Variants in BICRAL observed in about 807,000 individuals in gnomAD.
The protein encoded by BICRAL is BICRA like chromatin remodeling complex associated protein.
Under a neutral mutation model 91.8 loss-of-function variants are expected in BICRAL, and 8 were observed. The ratio of observed to expected loss-of-function variants is 0.09; its 90% CI spans 0.05 to 0.16. The LOEUF (loss-of-function observed/expected upper bound fraction) is 0.16. BICRAL is among the 10% of genes least tolerant of loss of function. The pLI is 1.00. For synonymous variants in BICRAL, 445 were observed against 491.1 expected (o/e 0.91, Z 1.24); for missense variants, 1,038 against 1,310.9 (o/e 0.79, Z 3.21).
chr6:42,775,958 C>T (rs73428443), intron 1 of BICRAL, among the ~76,000 whole-genome samples: 2,030 of 152,288 alleles, frequency 0.013, 42 homozygotes, highest in African/African-American at 0.046. Flanking sequence ...ACAACAACCA[C>T]AACAATAATG....
rs536085982 is a variant in BICRAL, at chr6:42,762,365, T to A, written c.-261+15342T>A. Among the ~76,000 whole-genome samples the A allele has an allele frequency of 2.0e-5, 3 of 152,320 alleles. No homozygotes were observed. The South Asian group carries it at 6.2e-4, about 32-fold the overall frequency. ...GTAATGAAAGGAAAAGATAAAGATA[T>A]ATAGTGATTTCAATGACAGTTTTAA... On this transcript the variant is annotated intron_variant, in intron 1 of 14. Transcript: ENST00000614467.
At chr6:42,842,370 G>T (rs978521066) in intron 6 of BICRAL, among the ~76,000 whole-genome samples, 18 of 152,136 alleles carry the variant, frequency 1.2e-4, no homozygotes, top group African/African-American at 4.1e-4. Flanking sequence ...CCTAAAGAAG[G>T]CAGATTTCCA....
At chr6:42,788,018 T>A (rs1184817251) in intron 1 of BICRAL, among the ~76,000 whole-genome samples, 1 of 151,612 alleles carries the variant, frequency 6.6e-6, no homozygotes, top group African/African-American at 2.4e-5. Flanking sequence ...CCTCAGCCTC[T>A]CCTGAGTAGC....
At chr6:42,855,757 G>A in intron 8 of BICRAL, 99 bp from the exon 9 acceptor site, 1 of 886,408 alleles carries the variant, frequency 1.1e-6, no homozygotes. Flanking sequence ...ATATGTTCTT[G>A]ATAGGTAGTT....
intron 1 of BICRAL, among the ~76,000 whole-genome samples, chr6:42,808,547 G>A (rs1436419032): frequency 6.6e-6 from 1 of 152,144 alleles, no homozygotes; most frequent in Non-Finnish European, 1.5e-5. Context: ...CACCATTGTT[G>A]ATGATCATTC....
At chr6:42,836,624 T>TC (rs1562486617) in intron 6 of BICRAL, among the ~76,000 whole-genome samples, 2 of 148,172 alleles carry the variant, frequency 1.3e-5, no homozygotes, top group African/African-American at 4.9e-5. Flanking sequence ...AGTTTCTTTT[T>TC]TTTTTTTTTT....
intron 2 of BICRAL, among the ~76,000 whole-genome samples, chr6:42,812,894 G>A (rs1303840842): frequency 6.6e-6 from 1 of 152,142 alleles, no homozygotes; most frequent in African/African-American, 2.4e-5. Context: ...AATTAGCTGG[G>A]CATGATGGCA....
At chr6:42,781,623 GGA>G (rs1170946070), upstream of BICRAL, among the ~76,000 whole-genome samples, 2 of 148,848 alleles carry the variant, frequency 1.3e-5, no homozygotes, top group Non-Finnish European at 3.0e-5. Context: ...GTGTGTGTGT[GGA>G]GAGAGAGCCT....
intron 6 of BICRAL, among the ~76,000 whole-genome samples, chr6:42,836,400 G>C (rs1471614251): frequency 6.6e-6 from 1 of 151,988 alleles, no homozygotes; most frequent in Non-Finnish European, 1.5e-5. Context: ...GACTTTTTAT[G>C]CCAAAAAGCA....
chr6:42,848,461 CATTAG>C (rs1055110112), intron 6 of BICRAL, among the ~76,000 whole-genome samples: 14 of 152,184 alleles, frequency 9.2e-5, no homozygotes, highest in Non-Finnish European at 2.9e-5. Context: ...CATGCTCTGA[CATTAG>C]ATTATTATTT....
chr6:42,834,495 G>A (rs1764586469), intron 6 of BICRAL, among the ~76,000 whole-genome samples: 1 of 152,144 alleles, frequency 6.6e-6, no homozygotes, highest in African/African-American at 2.4e-5. Flanking sequence ...CCTCGAAATA[G>A]AGACTTTCTA....
At chr6:42,818,821 G>A (rs747165147) in intron 2 of BICRAL, among the ~76,000 whole-genome samples, 109 of 152,170 alleles carry the variant, frequency 7.2e-4, no homozygotes, top group African/African-American at 2.0e-3. Context: ...GCTTTGAAAC[G>A]TCATTTTTAC....
At chr6:42,806,513 ATTT>A (rs758423036) in intron 1 of BICRAL, among the ~76,000 whole-genome samples, 1 of 140,190 alleles carries the variant, frequency 7.1e-6, no homozygotes, top group Non-Finnish European at 1.6e-5. Flanking sequence ...CACCCAGCTA[ATTT>A]TTTTTTTTTT....
chr6:42,758,712 C>CAAAAAAA (rs71758339), intron 1 of BICRAL, among the ~76,000 whole-genome samples: 3 of 103,612 alleles, frequency 2.9e-5, no homozygotes. Flanking sequence ...TCGGGGGGTC[C>CAAAAAAA]AAAAAAAAAA....
chr6:42,859,165 C>A (rs564055804), intron 10 of BICRAL, among the ~76,000 whole-genome samples: 37 of 152,042 alleles, frequency 2.4e-4, no homozygotes, highest in African/African-American at 8.2e-4. Flanking sequence ...CCGAGGTGGG[C>A]AGATCATGAG....
chr6:42,841,132 A>G (rs1284272500), intron 6 of BICRAL, among the ~76,000 whole-genome samples: 1 of 139,560 alleles, frequency 7.2e-6, no homozygotes, highest in Non-Finnish European at 1.5e-5. Flanking sequence ...TCACCTATAT[A>G]GTACCTATCA....
At chr6:42,793,316 T>A (rs1204031110) in intron 1 of BICRAL, among the ~76,000 whole-genome samples, 7 of 108,434 alleles carry the variant, frequency 6.5e-5, no homozygotes, top group African/African-American at 2.3e-4. Flanking sequence ...TTTTTTTTTT[T>A]TTTTTTTTTG....
intron 6 of BICRAL, among the ~76,000 whole-genome samples, chr6:42,833,884 G>A (rs939434429): frequency 4.0e-5 from 6 of 151,480 alleles, no homozygotes; most frequent in South Asian, 2.1e-4. Context: ...ACGGAGTTTC[G>A]CTCTTTGTTG....
rs754098150 is a variant in BICRAL, at chr6:42,865,032, A to G, written c.2826A>G (p.Lys942=). The G allele has an allele frequency of 1.2e-6, 2 of 1,614,076 alleles. No homozygotes were observed. Residue 942 remains lysine, a synonymous_variant, in exon 13 of 13, where the codon AAA becomes AAG. Transcript: ENST00000314073. ...CTCCCGGCCCTGAGGGGCACCGGAA[A>G]ACCTCATCCAGATCGGATCATGGTA... The part of the protein sequence containing the change: ...QCSPGPEGHR[K]TSSRSDHGTE...
Sources: gnomAD v4.1 joint callset for allele counts (sites outside exome capture counted in the v4.1 genomes callset) on GRCh38, gnomAD v4.1.1 for gene constraint, MANE v1.5 for transcripts, NCBI Gene and HGNC (gene_info 2026-07-23, HGNC 2026-07-21) for gene names.